AGMO: variants seen among roughly 807,000 people sequenced by gnomAD.
AGMO encodes glyceryl-ether monooxygenase.
AGMO carries 75 observed loss-of-function variants against 60.2 expected under a neutral mutation model. The ratio of observed to expected loss-of-function variants is 1.25; its 90% confidence interval spans 1.03 to 1.51. The LOEUF (loss-of-function observed/expected upper bound fraction) is 1.51, where lower values mean the gene tolerates loss of function less well. Among genes scored for constraint, AGMO ranks in the 40% most tolerant of loss-of-function variants. The pLI is 0.00. For missense variants in AGMO, 763 were observed against 525.5 expected, an observed-to-expected ratio of 1.45 and a Z score of -4.42; for synonymous variants, 261 against 177.1, an observed-to-expected ratio of 1.47 and a Z score of -3.76.
intron 3 of AGMO, among the ~76,000 whole-genome samples, chr7:15,541,332 G>A (rs1443072183): frequency 6.6e-6 from 1 of 152,252 alleles, no homozygotes; most frequent in Admixed American, 6.5e-5. Context: ...ATGTTGGTCA[G>A]GCTGGTCTCG....
chr7:15,389,147 C>T (rs1784040495), intron 8 of AGMO, among the ~76,000 whole-genome samples: 1 of 152,208 alleles, frequency 6.6e-6, no homozygotes, highest in Non-Finnish European at 1.5e-5. Flanking sequence ...CACCCATCAA[C>T]TGGCAGCACT....
chr7:15,286,030 G>A (rs1784088155), intron 12 of AGMO, among the ~76,000 whole-genome samples: 1 of 152,008 alleles, frequency 6.6e-6, no homozygotes, highest in Admixed American at 6.5e-5. Flanking sequence ...ATATGTAGAA[G>A]AATAAAACTG....
chr7:15,139,916 C>T, the AGMO span, among the ~76,000 whole-genome samples: 471 of 148,658 alleles, frequency 3.2e-3, 1 homozygote, highest in Non-Finnish European at 4.8e-3. Flanking sequence ...TATATAAATA[C>T]AATGTATAGA....
At chr7:15,453,912 C>A (rs1323940333) in intron 3 of AGMO, among the ~76,000 whole-genome samples, 1 of 149,124 alleles carries the variant, frequency 6.7e-6, no homozygotes, top group Non-Finnish European at 1.5e-5. Flanking sequence ...TTTTATTACA[C>A]AAAATATAAT....
At position 15,354,787 on chromosome 7, in the gene AGMO, C is replaced by T. The variant is rs138686762; in HGVS notation, c.1263+10727G>A. On this transcript the variant is annotated intron_variant, in intron 12 of 12. Coordinates refer to ENST00000342526, the MANE Select transcript of AGMO (RefSeq NM_001004320.2). The stretch of plus-strand genomic sequence containing the variant: ...GATCTGCTAATAACCCCAGTGTTTA[C>T]GTTTTACGCTATTCCCTGAATTTTT... Among the ~76,000 whole-genome samples, 722 of 151,032 alleles carry T rather than the reference C, an allele frequency of 4.8e-3. 11 individuals are homozygous for T. The highest frequency in any genetic ancestry group is 2.6e-3 in the Non-Finnish European group (177 of 67,768).
intron 12 of AGMO, among the ~76,000 whole-genome samples, chr7:15,247,807 T>C (rs1330850092): frequency 1.3e-5 from 2 of 151,832 alleles, no homozygotes; most frequent in Non-Finnish European, 1.5e-5. Flanking sequence ...CAAACCATAC[T>C]AGACAATGGA....
chr7:15,287,975 T>C (rs1343371143), intron 12 of AGMO, among the ~76,000 whole-genome samples: 2 of 152,182 alleles, frequency 1.3e-5, no homozygotes, highest in Non-Finnish European at 2.9e-5. Flanking sequence ...TTGACTAGAA[T>C]AGCTGTCACT....
rs1782394248 is a variant in AGMO at position 15,354,384 on chromosome 7, GTGTGTGTATA to G, written c.1263+11120_1263+11129del. Among the ~76,000 whole-genome samples, 23 of 4,980 alleles carry G rather than the reference GTGTGTGTATA, an allele frequency of 4.6e-3. 1 individual carries two copies. The highest frequency in any genetic ancestry group is 0.034 in the East Asian group (6 of 174). 3.3% of individuals were successfully genotyped at this position (4,980 alleles called of 152,430 possible). A position where few individuals can be genotyped will look rare whatever the true frequency, so the allele number is the denominator to read the frequency against. The stretch of plus-strand genomic sequence containing the variant: ...TGTGTATATAGACGTGTGTATACAC[GTGTGTGTATA>G]CACGTGTGTGTACACACGTGTGTGT... On this transcript the variant is annotated intron_variant, in intron 12 of 12. Coordinates refer to ENST00000342526, the MANE Select transcript of AGMO (RefSeq NM_001004320.2).
At chr7:15,125,975 T>C in the AGMO span, among the ~76,000 whole-genome samples, 1 of 152,122 alleles carries the variant, frequency 6.6e-6, no homozygotes, top group Non-Finnish European at 1.5e-5. Flanking sequence ...AGGTACTTAA[T>C]AGTATATTAA....
intron 2 of AGMO, among the ~76,000 whole-genome samples, chr7:15,553,894 C>G (rs1785051130): frequency 6.6e-6 from 1 of 152,084 alleles, no homozygotes; most frequent in African/African-American, 2.4e-5. Context: ...GCCTTCCCCC[C>G]ACCACATCCC....
chr7:15,524,514 G>T (rs1784074796), intron 3 of AGMO, among the ~76,000 whole-genome samples: 1 of 152,108 alleles, frequency 6.6e-6, no homozygotes, highest in South Asian at 2.1e-4. Context: ...CAGGAAATTT[G>T]TATTTTCCTT....
intron 9 of AGMO, among the ~76,000 whole-genome samples, chr7:15,386,173 GA>G (rs200171986): frequency 0.089 from 10,497 of 118,278 alleles, 686 homozygotes; most frequent in African/African-American, 0.22. Flanking sequence ...AGTCCCAAAA[GA>G]AAAAAAAAGA....
chr7:15,454,788 A>G lies in AGMO; in HGVS notation c.410-23680T>C, dbSNP rs540963790. ...GATACTCATGCCTTAAATATTTTACATTTGTATCAAAGTAATACATATTGC... is the reference window on the plus strand; with the variant it reads ...GATACTCATGCCTTAAATATTTTACGTTTGTATCAAAGTAATACATATTGC... On this transcript the variant is annotated intron_variant, in intron 3 of 12. Coordinates refer to ENST00000342526, the MANE Select transcript of AGMO (RefSeq NM_001004320.2). 1.1e-3 allele frequency among the ~76,000 whole-genome samples: 172 copies of G among 152,214 alleles called. 1 individual carries two copies. The highest frequency in any genetic ancestry group is 3.9e-3 in the African/African-American group (164 of 41,532).
At chr7:15,385,389 T>C in intron 10 of AGMO, 57 bp downstream of exon 10, 1 of 1,221,472 alleles carries the variant, frequency 8.2e-7, no homozygotes, top group Non-Finnish European at 1.2e-6. Context: ...CTTATTTTCA[T>C]TTTCAAACAA....
intron 12 of AGMO, among the ~76,000 whole-genome samples, chr7:15,230,847 G>A (rs527388747): frequency 6.6e-6 from 1 of 152,188 alleles, no homozygotes; most frequent in African/African-American, 2.4e-5. Context: ...TGAGAAGACT[G>A]CAGTACCTCT....
intron 12 of AGMO, among the ~76,000 whole-genome samples, chr7:15,280,094 G>A (rs890770012): frequency 1.1e-4 from 16 of 152,162 alleles, no homozygotes; most frequent in Non-Finnish European, 2.4e-4. Flanking sequence ...GAAGCCTACT[G>A]TAGCCACGAG....
chr7:15,505,522 C>G (rs1783491346), intron 3 of AGMO, among the ~76,000 whole-genome samples: 1 of 152,006 alleles, frequency 6.6e-6, no homozygotes, highest in African/African-American at 2.4e-5. Context: ...AACACAAAGT[C>G]TGTGTCACTC....
intron 3 of AGMO, among the ~76,000 whole-genome samples, chr7:15,440,681 T>A (rs891345500): frequency 6.6e-6 from 1 of 152,304 alleles, no homozygotes; most frequent in East Asian, 1.9e-4. Flanking sequence ...AGCTCCACTT[T>A]ATAGTCGTCA....
At chr7:15,298,589 A>G (rs932201416) in intron 12 of AGMO, among the ~76,000 whole-genome samples, 29 of 152,166 alleles carry the variant, frequency 1.9e-4, no homozygotes, top group African/African-American at 6.3e-4. Context: ...TTTTGAAGAG[A>G]CTGGGTTTCT....
Sources: gnomAD v4.1 joint callset for allele counts (sites outside exome capture counted in the v4.1 genomes callset) on GRCh38, gnomAD v4.1.1 for gene constraint, MANE v1.5 for transcripts, NCBI Gene and HGNC (gene_info 2026-07-23, HGNC 2026-07-21) for gene names.